CDH13: variants seen among roughly 807,000 people sequenced by gnomAD.
CDH13 encodes cadherin-13.
A neutral mutation model predicts 63.8 loss-of-function variants in CDH13; 24 were observed. That is an observed-to-expected ratio of 0.38 (90% CI 0.27 to 0.53). The LOEUF is 0.53. CDH13 is among the 20% of genes least tolerant of loss of function. CDH13 has a pLI of 0.85. For missense variants in CDH13, 1,049 were observed against 903.1 expected (o/e 1.16, Z -2.07); for synonymous variants, 503 against 355.3 (o/e 1.42, Z -4.67).
chr16:83,362,631 C>G (rs1020442606), intron 6 of CDH13, among the ~76,000 whole-genome samples: 7 of 152,198 alleles, frequency 4.6e-5, no homozygotes, highest in African/African-American at 1.4e-4. Flanking sequence ...AAGGTCAACA[C>G]CCATAATCAG....
chr16:83,547,247 G>T (rs1257094096), intron 7 of CDH13, among the ~76,000 whole-genome samples: 1 of 152,240 alleles, frequency 6.6e-6, no homozygotes, highest in African/African-American at 2.4e-5. Context: ...AGTGAGCCTG[G>T]ACCCAGGGGG....
chr16:83,007,371 A>T (rs1385577504), intron 2 of CDH13, among the ~76,000 whole-genome samples: 1 of 152,204 alleles, frequency 6.6e-6, no homozygotes, highest in African/African-American at 2.4e-5. Flanking sequence ...CCCATTTCAC[A>T]CGTGAGGAAA....
chr16:82,716,852 G>T (rs896061050), intron 1 of CDH13, among the ~76,000 whole-genome samples: 2 of 151,678 alleles, frequency 1.3e-5, no homozygotes, highest in Non-Finnish European at 2.9e-5. Context: ...TTTGTCCTTT[G>T]CCTCAAGCAG....
At chr16:82,866,570 A>G (rs763865145) in intron 2 of CDH13, among the ~76,000 whole-genome samples, 9 of 150,930 alleles carry the variant, frequency 6.0e-5, no homozygotes, top group Non-Finnish European at 1.2e-4. Context: ...TTGTAGTTTT[A>G]GTACAAAGAG....
intron 1 of CDH13, among the ~76,000 whole-genome samples, chr16:82,794,060 C>T (rs925505101): frequency 3.3e-5 from 5 of 152,010 alleles, no homozygotes; most frequent in African/African-American, 1.2e-4. Context: ...CAAGCTTGTC[C>T]AATCCGAGGC....
chr16:83,481,833 A>G (rs1173445748), intron 6 of CDH13, among the ~76,000 whole-genome samples: 1 of 152,166 alleles, frequency 6.6e-6, no homozygotes, highest in Non-Finnish European at 1.5e-5. Context: ...TCTGTCATAT[A>G]ATTACCCTTT....
chr16:82,801,850 G>A (rs184730550), intron 1 of CDH13, among the ~76,000 whole-genome samples: 2 of 152,170 alleles, frequency 1.3e-5, no homozygotes, highest in East Asian at 1.9e-4. Flanking sequence ...CCAACTCCTG[G>A]TGTCTTAGAT....
intron 1 of CDH13, among the ~76,000 whole-genome samples, chr16:82,855,583 C>T (rs962259165): frequency 3.9e-5 from 6 of 152,220 alleles, no homozygotes; most frequent in Non-Finnish European, 7.3e-5. Flanking sequence ...ACTCCTGGAT[C>T]TGCATCCTGT....
chr16:83,609,909 T>C (rs987351474), intron 8 of CDH13, among the ~76,000 whole-genome samples: 5 of 152,202 alleles, frequency 3.3e-5, no homozygotes, highest in African/African-American at 4.8e-5. Flanking sequence ...CCACCACTGA[T>C]CTACTGTCAG....
chr16:83,428,418 T>C (rs2071984612), intron 6 of CDH13, among the ~76,000 whole-genome samples: 1 of 152,004 alleles, frequency 6.6e-6, no homozygotes, highest in African/African-American at 2.4e-5. Context: ...TTTAGCTTTG[T>C]TTGTTTTTCC....
chr16:83,669,644 G>A (rs1021290192), intron 8 of CDH13, among the ~76,000 whole-genome samples: 1 of 152,088 alleles, frequency 6.6e-6, no homozygotes, highest in African/African-American at 2.4e-5. Context: ...TGCAGTCCCC[G>A]CCCTGTCCCC....
chr16:82,971,201 C>T (rs755980241), intron 2 of CDH13, among the ~76,000 whole-genome samples: 1 of 152,196 alleles, frequency 6.6e-6, no homozygotes, highest in African/African-American at 2.4e-5. Context: ...AAACTGGCTT[C>T]CATAACTCAC....
At chr16:82,841,027 G>A (rs1370332191) in intron 1 of CDH13, among the ~76,000 whole-genome samples, 1 of 152,194 alleles carries the variant, frequency 6.6e-6, no homozygotes, top group Non-Finnish European at 1.5e-5. Context: ...AAACAGCAGT[G>A]CAACTGTGAT....
In CDH13 at chr16:83,772,068, G is replaced by A. The variant is rs532210256; in HGVS notation, c.1682-7900G>A. 1.8e-3 allele frequency among the ~76,000 whole-genome samples: 267 copies of A among 152,174 alleles called. 2 individuals are homozygous for A. Among genetic ancestry groups the A allele is most frequent in the African/African-American group, 6.0e-3 (251 of 41,532 alleles). On this transcript the variant is annotated intron_variant, in intron 11 of 13. Coordinates refer to ENST00000567109, the MANE Select transcript of CDH13 (RefSeq NM_001257.5). ...ACTCTGTGGGTGGAGAAGGATGGGG[G>A]GTGACTTTTTAGCTTGTATACTTAT...
At chr16:83,379,907 A>G (rs1305042582) in intron 6 of CDH13, among the ~76,000 whole-genome samples, 1 of 112,606 alleles carries the variant, frequency 8.9e-6, no homozygotes, top group African/African-American at 3.3e-5. Flanking sequence ...TATGTATTAT[A>G]TATGTGTGTG....
In CDH13 at chr16:83,460,574, C is replaced by T. The variant is rs560152345; in HGVS notation, c.782-25903C>T. On this transcript the variant is annotated intron_variant, in intron 6 of 13. Transcript: ENST00000567109. ...CCAGGACATGCATATGTGGAAAACACAGTCTGCAGAAAAATACAAACAGAT... is the reference window on the plus strand; with the variant it reads ...CCAGGACATGCATATGTGGAAAACATAGTCTGCAGAAAAATACAAACAGAT... Among the ~76,000 whole-genome samples, 3 of 152,194 alleles carry T rather than the reference C, an allele frequency of 2.0e-5. No homozygotes were observed. The South Asian group carries it at 6.2e-4, about 32-fold the overall frequency.
At chr16:83,027,481 G>T (rs1915925257) in intron 2 of CDH13, among the ~76,000 whole-genome samples, 1 of 152,180 alleles carries the variant, frequency 6.6e-6, no homozygotes, top group Non-Finnish European at 1.5e-5. Flanking sequence ...CAAAGGGTGG[G>T]ACAGTAGAGT....
chr16:82,832,176 TCA>T (rs781342665), intron 1 of CDH13, among the ~76,000 whole-genome samples: 11 of 152,230 alleles, frequency 7.2e-5, no homozygotes, highest in Middle Eastern at 3.2e-3. Context: ...GAGACATTTT[TCA>T]CGTATTGAAA....
chr16:83,085,560 C>T (rs1230789072), intron 3 of CDH13, among the ~76,000 whole-genome samples: 2 of 152,202 alleles, frequency 1.3e-5, no homozygotes, highest in African/African-American at 4.8e-5. Flanking sequence ...TAGAAGTCTA[C>T]TGTTTGTCTC....
Sources: allele counts gnomAD v4.1 joint callset (sites outside exome capture counted in the v4.1 genomes callset), GRCh38; gene constraint gnomAD v4.1.1; transcripts MANE v1.5; gene names NCBI Gene and HGNC (gene_info 2026-07-23, HGNC 2026-07-21).